LRP5: variants seen among roughly 807,000 people sequenced by gnomAD.
LRP5 encodes LDL receptor related protein 5.
LRP5 carries 62 observed loss-of-function variants against 154.1 expected under a neutral mutation model. The observed-to-expected ratio is 0.40, with a 90% CI of 0.33 to 0.50. The LOEUF (loss-of-function observed/expected upper bound fraction) is 0.50, where lower values mean the gene tolerates loss of function less well. LRP5 is among the 20% of genes least tolerant of loss of function. The pLI, the probability that LRP5 is intolerant of heterozygous loss-of-function variation, is 0.55. For missense variants in LRP5, 1,915 were observed against 2,336.7 expected, an observed-to-expected ratio of 0.82 and a Z score of 3.72; for synonymous variants, 966 against 1,011.5, an observed-to-expected ratio of 0.96 and a Z score of 0.85.
intron 11 of LRP5, among the ~76,000 whole-genome samples, chr11:68,412,594 G>A (rs893726247): frequency 6.6e-6 from 1 of 151,618 alleles, no homozygotes; most frequent in Non-Finnish European, 1.5e-5. Context: ...GTGGTGAGCT[G>A]TGATCATGCC....
intron 8 of LRP5, 24 bp from the exon 9 acceptor site, chr11:68,406,500 T>C (rs2153164573): frequency 6.2e-7 from 1 of 1,613,680 alleles, no homozygotes; most frequent in Non-Finnish European, 8.5e-7. Flanking sequence ...ATGTTTAGAC[T>C]GGAGCCTCTG....
At chr11:68,419,438 T>C (rs1182261334) in intron 13 of LRP5, among the ~76,000 whole-genome samples, 1 of 151,948 alleles carries the variant, frequency 6.6e-6, no homozygotes, top group Admixed American at 6.6e-5. Context: ...ACCCGCTATG[T>C]TGCCCAGGCT....
chr11:68,409,797 C>T (rs1388283922), intron 9 of LRP5, 117 bp from the exon 10 acceptor site: 3 of 811,144 alleles, frequency 3.7e-6, no homozygotes, highest in East Asian at 5.3e-5. Context: ...TTGCAGTGAG[C>T]CGAGATCGCA....
At position 68,348,140 on chromosome 11, in the gene LRP5, A is replaced by T. The variant is rs774605136; in HGVS notation, c.385A>T (p.Thr129Ser). 1 of 1,613,916 alleles carries T rather than the reference A, an allele frequency of 6.2e-7. No individual in the cohort carries two copies. ...GKKLYWTDSE[T>S]NRIEVANLNG... Reference sequence around the variant, plus strand: ...GAAGCTGTACTGGACGGACTCAGAGACCAACCGCATCGAGGTGGCCAACCT... The same window carrying T: ...GAAGCTGTACTGGACGGACTCAGAGTCCAACCGCATCGAGGTGGCCAACCT... The change falls in exon 2 of 23, where the codon ACC becomes TCC. Residue 129 changes from threonine to serine, a missense_variant. By Grantham distance (58) the Thr-to-Ser change is moderately conservative. Around this residue, in one of 3 missense-constraint regions of LRP5, gnomAD observed 773 missense variants for 1,100.9 expected, o/e 0.70. Coordinates refer to ENST00000294304, the MANE Select transcript of LRP5 (RefSeq NM_002335.4).
intron 7 of LRP5, among the ~76,000 whole-genome samples, chr11:68,399,532 T>C (rs2098651453): frequency 6.6e-6 from 1 of 152,220 alleles, no homozygotes; most frequent in Non-Finnish European, 1.5e-5. Flanking sequence ...TCCTGGAAAA[T>C]TCATCTCCCA....
rs148831818 is a variant in LRP5 at position 68,447,316 on chromosome 11, G to T, written c.4586+783G>T. ...GGTGGGATAGGCTGGGCCTGGGCCAGGACACCTCTGGACCACGCATTCCTC... is the reference window on the plus strand; with the variant it reads ...GGTGGGATAGGCTGGGCCTGGGCCATGACACCTCTGGACCACGCATTCCTC... On this transcript the variant is annotated intron_variant, in intron 22 of 22. Transcript: ENST00000294304. The surrounding 1 kb of genome is among the most constrained non-coding windows in gnomAD (Gnocchi z 4.3). 0.011 allele frequency among the ~76,000 whole-genome samples: 1,675 copies of T among 152,296 alleles called. 29 individuals are homozygous for T. The highest frequency in any genetic ancestry group is 0.038 in the African/African-American group (1,572 of 41,554).
chr11:68,394,912 C>G (rs2098648418), intron 7 of LRP5, among the ~76,000 whole-genome samples: 2 of 152,204 alleles, frequency 1.3e-5, no homozygotes, highest in Non-Finnish European at 2.9e-5. Context: ...AGAGAGGGAA[C>G]AGGCGGAGGT....
intron 22 of LRP5, 149 bp from the exon 23 acceptor site, chr11:68,448,660 C>T (rs1419080408): frequency 9.5e-6 from 9 of 947,460 alleles, no homozygotes; most frequent in East Asian, 2.6e-5. Flanking sequence ...TGAGCCCTGG[C>T]GACACAGCGG....
At chr11:68,360,747 C>T (rs2098627156) in intron 3 of LRP5, among the ~76,000 whole-genome samples, 1 of 152,192 alleles carries the variant, frequency 6.6e-6, no homozygotes, top group Non-Finnish European at 1.5e-5. Context: ...CGTGTAATCC[C>T]AGCACTTTGG....
chr11:68,420,994 G>A (rs576331195), intron 13 of LRP5, among the ~76,000 whole-genome samples: 122 of 152,212 alleles, frequency 8.0e-4, no homozygotes, highest in Non-Finnish European at 1.5e-3. Context: ...TGGGAGGCCA[G>A]GGCGGGCGGA....
chr11:68,322,101 T>A (rs2153114671), intron 1 of LRP5, among the ~76,000 whole-genome samples: 1 of 152,350 alleles, frequency 6.6e-6, no homozygotes, highest in Non-Finnish European at 1.5e-5. Flanking sequence ...CAGAGCGAAC[T>A]TGCTTCCCAA....
intron 5 of LRP5, among the ~76,000 whole-genome samples, chr11:68,370,438 G>T (rs1232306144): frequency 6.6e-6 from 1 of 152,102 alleles, no homozygotes; most frequent in Non-Finnish European, 1.5e-5. Flanking sequence ...AGAGGAGGAG[G>T]CCCCTGCAGG....
chr11:68,438,787 G>T, intron 20 of LRP5, 105 bp downstream of exon 20: 2 of 949,646 alleles, frequency 2.1e-6, no homozygotes, highest in South Asian at 1.5e-5. Context: ...TCTTGCACAT[G>T]TGGCAGACAT....
In LRP5 at chr11:68,366,130, C is replaced by T. The variant is rs146178607; in HGVS notation, c.1015+428C>T. On this transcript the variant is annotated intron_variant, in intron 5 of 22. Transcript: ENST00000294304. ...GCTCGCCTTCGGGGATGCTCCCGGG[C>T]CTGGGATAGCCAGTCTGGCCTCTGG... 7.0e-3 allele frequency among the ~76,000 whole-genome samples: 1,067 copies of T among 152,208 alleles called. 11 individuals carry two copies. Among genetic ancestry groups the T allele is most frequent in the African/African-American group, 0.025 (1,025 of 41,516 alleles).
intron 5 of LRP5, among the ~76,000 whole-genome samples, chr11:68,375,398 A>G (rs1220902000): frequency 6.6e-6 from 1 of 152,180 alleles, no homozygotes; most frequent in East Asian, 1.9e-4. Flanking sequence ...TCCAATGGAA[A>G]TGCACGATTT....
chr11:68,393,111 C>T (rs1034670584), intron 7 of LRP5, among the ~76,000 whole-genome samples: 4 of 150,482 alleles, frequency 2.7e-5, no homozygotes, highest in African/African-American at 9.8e-5. Context: ...GCCTGGACAA[C>T]AGAGCAAGAC....
chr11:68,446,978 C>T lies in LRP5; in HGVS notation c.4586+445C>T, dbSNP rs141123123. Reference sequence around the variant, plus strand: ...GCAGCACCCACCGTAGACCCCTAATCGTGTGACGTCACCAGGATGGTCCGG... The same window carrying T: ...GCAGCACCCACCGTAGACCCCTAATTGTGTGACGTCACCAGGATGGTCCGG... On this transcript the variant is annotated intron_variant, in intron 22 of 22. Coordinates refer to ENST00000294304, the MANE Select transcript of LRP5 (RefSeq NM_002335.4). 76 of 266,314 alleles carry T rather than the reference C, an allele frequency of 2.9e-4. No individual in the cohort carries two copies. In the East Asian group the frequency reaches 7.1e-3, roughly 25 times the overall value. 16.5% of individuals were successfully genotyped at this position (266,314 alleles called of 1,614,324 possible).
At position 68,404,319 on chromosome 11, in the gene LRP5, C is replaced by A. The variant is rs2098654304; in HGVS notation, c.1801+620C>A. 3 of 531,038 alleles carry A rather than the reference C, an allele frequency of 5.6e-6. No individual in the cohort carries two copies. The East Asian group carries it at 1.2e-4, about 21-fold the overall frequency. The allele number at this position is 531,038 out of a possible 1,614,324, so 32.9% of individuals were successfully genotyped here. A position where few individuals can be genotyped will look rare whatever the true frequency, so the allele number is the denominator to read the frequency against. On this transcript the variant is annotated intron_variant, in intron 8 of 22. Transcript: ENST00000294304. ...CTCTGTGTCCTGCCGGGGTCCCACACTGCACCTGCTTGTCAGAGGCACTCA... is the reference window on the plus strand; with the variant it reads ...CTCTGTGTCCTGCCGGGGTCCCACAATGCACCTGCTTGTCAGAGGCACTCA...
At chr11:68,416,611 G>A in intron 13 of LRP5, 84 bp downstream of exon 13, 1 of 1,301,460 alleles carries the variant, frequency 7.7e-7, no homozygotes, top group Non-Finnish European at 1.1e-6. Context: ...CCTGTCCTTA[G>A]CAGAGGGAGG....
Sources: allele counts gnomAD v4.1 joint callset (sites outside exome capture counted in the v4.1 genomes callset), GRCh38; gene constraint gnomAD v4.1.1; regional missense constraint gnomAD v4.1.1; non-coding constraint Gnocchi (gnomAD v3.1); transcripts MANE v1.5; gene names NCBI Gene and HGNC (gene_info 2026-07-23, HGNC 2026-07-21).